The following SMG6 variants were observed in gnomAD, a reference collection of about 807,000 sequenced individuals.
SMG6 encodes the protein telomerase-binding protein EST1A.
In SMG6, 66 loss-of-function variants were observed where a neutral mutation model predicts 142.2. That is an observed-to-expected ratio of 0.46 (90% CI 0.38 to 0.57). SMG6 has a LOEUF of 0.57. Ranked by LOEUF, SMG6 falls within the 20% of genes least tolerant of loss-of-function variation. The pLI is 0.00. For synonymous variants in SMG6, 779 were observed against 702.4 expected, an observed-to-expected ratio of 1.11 and a Z score of -1.72; for missense variants, 1,793 against 1,832.0, an observed-to-expected ratio of 0.98 and a Z score of 0.39.
intron 13 of SMG6, among the ~76,000 whole-genome samples, chr17:2,128,430 A>C (rs2069977780): frequency 6.6e-6 from 1 of 152,192 alleles, no homozygotes; most frequent in African/African-American, 2.4e-5. Context: ...CCACTGCAGA[A>C]AGTGGTACTG....
intron 10 of SMG6, among the ~76,000 whole-genome samples, chr17:2,218,555 G>C (rs927274596): frequency 1.3e-5 from 2 of 152,012 alleles, no homozygotes; most frequent in Non-Finnish European, 2.9e-5. Context: ...CAAAAAAAAA[G>C]ATAACCAAAT....
At chr17:2,285,837 C>A (rs1219203881) in intron 6 of SMG6, among the ~76,000 whole-genome samples, 1 of 152,078 alleles carries the variant, frequency 6.6e-6, no homozygotes, top group East Asian at 1.9e-4. Flanking sequence ...CCACACCTGG[C>A]TAATTTTTAT....
intron 10 of SMG6, among the ~76,000 whole-genome samples, chr17:2,212,176 G>C (rs1378395048): frequency 6.6e-6 from 1 of 152,170 alleles, no homozygotes; most frequent in African/African-American, 2.4e-5. Context: ...GTGTATAACT[G>C]TTTCCTTTCA....
chr17:2,214,293 C>T (rs904967428), intron 10 of SMG6: 2 of 152,342 alleles, frequency 1.3e-5, no homozygotes, highest in East Asian at 1.9e-4. Context: ...CTGGACTCTC[C>T]GCAGAGAGCC....
chr17:2,270,402 T>C (rs1259291134), intron 8 of SMG6, among the ~76,000 whole-genome samples: 1 of 151,902 alleles, frequency 6.6e-6, no homozygotes, highest in Non-Finnish European at 1.5e-5. Context: ...TTGAGCTCAG[T>C]TTGAGACCAG....
intron 13 of SMG6, among the ~76,000 whole-genome samples, chr17:2,142,054 G>A (rs1393529204): frequency 2.0e-5 from 3 of 151,760 alleles, no homozygotes; most frequent in Non-Finnish European, 2.9e-5. Flanking sequence ...TGTTTTTGGC[G>A]GGAGGACAGG....
rs1180961884 is a variant in SMG6 at position 2,061,369 on chromosome 17, G to A, written c.*123C>T. On this transcript the variant is annotated 3_prime_UTR_variant, in exon 19 of 19. Coordinates refer to ENST00000263073, the MANE Select transcript of SMG6 (RefSeq NM_017575.5). ...AGCATGGCCGTGGCGTGGGTTGGAA[G>A]AGGATGGTTTATTGTCTGGGTGGAT... The A allele has an allele frequency of 3.1e-6, 3 of 981,546 alleles. No individual in the cohort carries two copies. The East Asian group carries it at 8.1e-5, about 26-fold the overall frequency. The allele number at this position is 981,546 out of a possible 1,614,324, so 60.8% of individuals were successfully genotyped here. A position where few individuals can be genotyped will look rare whatever the true frequency, so the allele number is the denominator to read the frequency against.
intron 10 of SMG6, among the ~76,000 whole-genome samples, chr17:2,192,647 C>T (rs747819869): frequency 4.6e-5 from 7 of 152,172 alleles, no homozygotes; most frequent in Non-Finnish European, 7.4e-5. Flanking sequence ...AATTTGTTGG[C>T]CCTTATCTTT....
intron 10 of SMG6, chr17:2,229,443 T>A (rs1448873526): frequency 1.3e-5 from 2 of 152,166 alleles, no homozygotes; most frequent in East Asian, 3.9e-4. Context: ...CCAGAGAAGC[T>A]TTTTCTTTTT....
intron 8 of SMG6, among the ~76,000 whole-genome samples, chr17:2,270,973 CAGTTG>C (rs1172932632): frequency 6.6e-6 from 1 of 152,162 alleles, no homozygotes; most frequent in Admixed American, 6.5e-5. Flanking sequence ...GAAAGGCCTA[CAGTTG>C]TAACTTTAAT....
At chr17:2,206,926 CAAAT>C (rs1023516973) in intron 10 of SMG6, among the ~76,000 whole-genome samples, 11 of 151,128 alleles carry the variant, frequency 7.3e-5, no homozygotes, top group Non-Finnish European at 1.3e-4. Context: ...AATAATAAAA[CAAAT>C]AAAGATGAAA....
rs12603113 is a variant in SMG6 at position 2,237,644 on chromosome 17, G to A, written c.2724-1007C>T. ...GCCACTCCCAATACAGGAAGAGGCT[G>A]TAACGCAGGGAGGCAGAAATCTAGC... On this transcript the variant is annotated intron_variant, in intron 9 of 18. Transcript: ENST00000263073. The A allele has an allele frequency of 8.9e-4, 711 of 798,844 alleles. 10 individuals carry two copies. The East Asian group carries it at 0.052, about 58-fold the overall frequency. The allele number at this position is 798,844 out of a possible 1,614,324, so 49.5% of individuals were successfully genotyped here.
intron 13 of SMG6, among the ~76,000 whole-genome samples, chr17:2,130,065 C>T (rs1420798201): frequency 6.6e-6 from 1 of 151,278 alleles, no homozygotes; most frequent in African/African-American, 2.4e-5. Flanking sequence ...CAAGACCATC[C>T]TGGCTAACAT....
At chr17:2,278,331 T>C (rs1365608714) in intron 8 of SMG6, among the ~76,000 whole-genome samples, 1 of 151,710 alleles carries the variant, frequency 6.6e-6, no homozygotes, top group Non-Finnish European at 1.5e-5. Context: ...GCCTCCCGAG[T>C]AGCTGGGATT....
At chr17:2,170,650 AAAGT>A (rs1354695202) in intron 13 of SMG6, among the ~76,000 whole-genome samples, 3 of 152,250 alleles carry the variant, frequency 2.0e-5, no homozygotes, top group African/African-American at 4.8e-5. Context: ...GGAAAGGCAA[AAAGT>A]AAGTATTCCT....
intron 10 of SMG6, among the ~76,000 whole-genome samples, chr17:2,194,172 T>C (rs1378687280): frequency 2.0e-5 from 3 of 152,178 alleles, no homozygotes; most frequent in African/African-American, 4.8e-5. Context: ...CATGTACTAC[T>C]TGAGGCACGC....
rs973808454 is a variant in SMG6 at position 2,172,937 on chromosome 17, G to A, written c.3156-78C>T. The A allele has an allele frequency of 1.0e-5, 14 of 1,354,870 alleles. No individual in the cohort carries two copies. The African/African-American group carries it at 1.9e-4, about 18-fold the overall frequency. The allele number at this position is 1,354,870 out of a possible 1,614,324, so 83.9% of individuals were successfully genotyped here. A position where few individuals can be genotyped will look rare whatever the true frequency, so the allele number is the denominator to read the frequency against. ...AAAGTATTCTCAGTATTTGTGAGCA[G>A]GGAAGTACTTGCAGCAAATGTTGTC... On this transcript the variant is annotated intron_variant, in intron 12 of 18. Coordinates refer to ENST00000263073, the MANE Select transcript of SMG6 (RefSeq NM_017575.5).
At chr17:2,075,290 G>A in intron 15 of SMG6, among the ~76,000 whole-genome samples, 1 of 115,012 alleles carries the variant, frequency 8.7e-6, no homozygotes, top group South Asian at 2.9e-4. Flanking sequence ...CACAAAGGAG[G>A]GACTACATCT....
intron 8 of SMG6, chr17:2,266,164 ACCAAGG>A (rs2074419257): frequency 1.0e-6 from 1 of 985,414 alleles, no homozygotes. Flanking sequence ...TCTAAACCAA[ACCAAGG>A]CCTGGAAATT....
Sources: gnomAD v4.1 joint callset for allele counts (sites outside exome capture counted in the v4.1 genomes callset) on GRCh38, gnomAD v4.1.1 for gene constraint, MANE v1.5 for transcripts, NCBI Gene and HGNC (gene_info 2026-07-23, HGNC 2026-07-21) for gene names.